The following DST variants were observed in gnomAD, a reference collection of about 807,000 sequenced individuals.
DST encodes dystonin, also known as bullous pemphigoid antigen.
Under a neutral mutation model 875.2 loss-of-function variants are expected in DST, and 253 were observed. The ratio of observed to expected loss-of-function variants is 0.29; its 90% CI spans 0.26 to 0.32. DST has a LOEUF of 0.32. Ranked by LOEUF, DST falls within the 10% of genes least tolerant of loss-of-function variation. DST has a pLI of 1.00. For synonymous variants in DST, 3,124 were observed against 3,197.1 expected, an observed-to-expected ratio of 0.98 and a Z score of 0.77; for missense variants, 8,287 against 9,111.6, an observed-to-expected ratio of 0.91 and a Z score of 3.68.
At chr6:56,629,465 A>C (rs1200288443) in intron 31 of DST, 22 bp from the exon 32 acceptor site, 1 of 1,586,406 alleles carries the variant, frequency 6.3e-7, no homozygotes, top group Non-Finnish European at 8.7e-7. Flanking sequence ...TAATTGGTAA[A>C]AGTTATAAAA....
chr6:56,792,274 G>T (rs897764150), intron 4 of DST, among the ~76,000 whole-genome samples: 6 of 151,924 alleles, frequency 3.9e-5, no homozygotes, highest in Non-Finnish European at 5.9e-5. Flanking sequence ...AACAAGAAAT[G>T]ATCACCATTT....
At chr6:56,789,568 T>A (rs184068289) in intron 4 of DST, among the ~76,000 whole-genome samples, 6 of 152,282 alleles carry the variant, frequency 3.9e-5, no homozygotes, top group African/African-American at 1.4e-4. Context: ...TTACATCTTG[T>A]AAAACTAAAA....
chr6:56,929,172 C>T (rs2127758137), intron 2 of DST, among the ~76,000 whole-genome samples: 1 of 152,150 alleles, frequency 6.6e-6, no homozygotes, highest in African/African-American at 2.4e-5. Flanking sequence ...ATCATATTTA[C>T]CAAAATCAAA....
At chr6:56,508,407 C>T (rs918119338) in intron 75 of DST, 122 bp downstream of exon 75, 11 of 787,578 alleles carry the variant, frequency 1.4e-5, no homozygotes, top group African/African-American at 3.4e-5. Flanking sequence ...TATCACTGCA[C>T]ATTCCATTTT....
intron 2 of DST, among the ~76,000 whole-genome samples, chr6:56,901,473 T>C (rs905441370): frequency 1.3e-5 from 2 of 152,172 alleles, no homozygotes; most frequent in East Asian, 1.9e-4. Context: ...TGGACGCCAG[T>C]AATCCCAGCT....
At position 56,789,120 on chromosome 6, in the gene DST, G is replaced by T. The variant is rs531249204; in HGVS notation, c.626-53831C>A. On this transcript the variant is annotated intron_variant, in intron 4 of 103. Coordinates refer to ENST00000680361, the MANE Select transcript of DST (RefSeq NM_001374736.1). Reference sequence around the variant, plus strand: ...AGCACTTTGGAAGGCCAAGAATGGAGGATCCCTTGAGACTAGCCTCAGCAA... The same window carrying T: ...AGCACTTTGGAAGGCCAAGAATGGATGATCCCTTGAGACTAGCCTCAGCAA... Among the ~76,000 whole-genome samples the T allele has an allele frequency of 5.9e-5, 9 of 152,236 alleles. No homozygotes were observed. The South Asian group carries it at 1.7e-3, about 28-fold the overall frequency.
intron 36 of DST, chr6:56,617,278 C>T: frequency 6.2e-7 from 1 of 1,613,214 alleles, no homozygotes; most frequent in Non-Finnish European, 8.5e-7. Flanking sequence ...CTAAGCCCTT[C>T]TTAAGGAAAT....
intron 4 of DST, among the ~76,000 whole-genome samples, chr6:56,821,638 C>T (rs1247038198): frequency 6.6e-6 from 1 of 152,132 alleles, no homozygotes; most frequent in Non-Finnish European, 1.5e-5. Flanking sequence ...TATGATTCTG[C>T]CCTATTATCA....
chr6:56,596,753 C>G (rs1171168508), intron 47 of DST, among the ~76,000 whole-genome samples: 5 of 152,144 alleles, frequency 3.3e-5, no homozygotes, highest in Non-Finnish European at 7.3e-5. Context: ...CAGAAACCGT[C>G]TGTCAAAAGC....
In DST at chr6:56,561,542, T is replaced by C; in HGVS notation, c.14076A>G (p.Thr4692=). The change falls in exon 57 of 104, where the codon ACA becomes ACG. Residue 4692 remains threonine (T), a synonymous_variant. Transcript: ENST00000680361. The part of the protein sequence containing the change: ...TEEFWANKGL[T]SIKKDMTDIS... ...TGTCAGTCATGTCCTTTTTAATGGA[T>C]GTTAAACCTAGGAGTAAGAAAAACA... 6.2e-7 allele frequency: 1 copy of C among 1,611,942 alleles called. No individual in the cohort carries two copies. Among genetic ancestry groups the C allele is most frequent in the Non-Finnish European group, 8.5e-7 (1 of 1,178,862 alleles).
intron 69 of DST, among the ~76,000 whole-genome samples, chr6:56,521,302 T>C (rs1283093304): frequency 6.6e-6 from 1 of 151,910 alleles, no homozygotes; most frequent in African/African-American, 2.4e-5. Context: ...GCAAGATATC[T>C]GAATAAAATT....
intron 61 of DST, among the ~76,000 whole-genome samples, chr6:56,549,233 T>G (rs944316527): frequency 1.1e-4 from 17 of 152,168 alleles, no homozygotes; most frequent in African/African-American, 3.9e-4. Flanking sequence ...GAAAAACTAT[T>G]ATAGGATTTT....
intron 4 of DST, among the ~76,000 whole-genome samples, chr6:56,806,632 A>G (rs747668862): frequency 6.6e-6 from 1 of 152,194 alleles, no homozygotes; most frequent in Non-Finnish European, 1.5e-5. Flanking sequence ...GCTACTAACC[A>G]TCTGGTTGCT....
intron 77 of DST, among the ~76,000 whole-genome samples, chr6:56,505,546 A>G (rs1044261857): frequency 1.3e-5 from 2 of 152,058 alleles, no homozygotes; most frequent in African/African-American, 4.8e-5. Flanking sequence ...AATCTTTCAT[A>G]TATTTCCAAA....
At chr6:56,630,630 T>C (rs1001758231) in intron 30 of DST, among the ~76,000 whole-genome samples, 1 of 152,182 alleles carries the variant, frequency 6.6e-6, no homozygotes, top group African/African-American at 2.4e-5. Context: ...TTTCTAACTT[T>C]GTTTAAGTAT....
At chr6:56,781,554 A>G (rs933966598) in intron 4 of DST, among the ~76,000 whole-genome samples, 18 of 152,100 alleles carry the variant, frequency 1.2e-4, no homozygotes, top group African/African-American at 3.9e-4. Flanking sequence ...AATGCTTGTG[A>G]TTTTTGTACA....
chr6:56,779,881 C>T (rs1379629043), intron 4 of DST, among the ~76,000 whole-genome samples: 2 of 117,104 alleles, frequency 1.7e-5, no homozygotes, highest in South Asian at 3.7e-4. Flanking sequence ...CCCCCTCCCC[C>T]CACCCCATAA....
At chr6:56,916,823 C>CACACAGAGAG (rs555473872) in intron 2 of DST, among the ~76,000 whole-genome samples, 14 of 140,766 alleles carry the variant, frequency 9.9e-5, no homozygotes, top group African/African-American at 3.8e-4. Context: ...CACACACACA[C>CACACAGAGAG]AGAGAGACAG....
At chr6:56,562,297 C>CTGAGTGTTGAAT in intron 55 of DST, 97 bp from the exon 56 acceptor site, 1 of 736,330 alleles carries the variant, frequency 1.4e-6, no homozygotes, top group Non-Finnish European at 2.1e-6. Context: ...ACAGTAATCA[C>CTGAGTGTTGAAT]ACATAAAACA....
Sources: gnomAD v4.1 joint callset for allele counts (sites outside exome capture counted in the v4.1 genomes callset) on GRCh38, gnomAD v4.1.1 for gene constraint, MANE v1.5 for transcripts, NCBI Gene and HGNC (gene_info 2026-07-23, HGNC 2026-07-21) for gene names.